Variants in LGSN observed in about 807,000 individuals in gnomAD.
LGSN encodes lengsin, lens protein with glutamine synthetase domain, also known as lengsin.
LGSN carries 21 observed loss-of-function variants against 19.5 expected under a neutral mutation model. That is an observed-to-expected ratio of 1.07 (90% CI 0.76 to 1.55). The LOEUF (loss-of-function observed/expected upper bound fraction) is 1.55, where lower values mean the gene tolerates loss of function less well. Ranked by LOEUF, LGSN falls within the 40% of genes most tolerant of loss-of-function variation. The pLI, the probability that LGSN is intolerant of heterozygous loss-of-function variation, is 0.00. For missense variants in LGSN, 673 were observed against 608.5 expected (o/e 1.11, Z -1.12); for synonymous variants, 257 against 215.6 (o/e 1.19, Z -1.68).
chr6:63,378,878 A>C, the LGSN span, among the ~76,000 whole-genome samples: 4 of 152,206 alleles, frequency 2.6e-5, no homozygotes, highest in African/African-American at 9.6e-5. Context: ...AAACTATAGC[A>C]ATTACTTTGT....
At chr6:63,351,416 T>TGAGAGAGAGAGAGAGAGGAAGA in the LGSN span, among the ~76,000 whole-genome samples, 1 of 148,238 alleles carries the variant, frequency 6.7e-6, no homozygotes, top group Non-Finnish European at 1.5e-5. Flanking sequence ...TCTGTGTGTG[T>TGAGAGAGAGAGAGAGAGGAAGA]GAGAGAGAGA....
At chr6:63,343,866 G>A in the LGSN span, among the ~76,000 whole-genome samples, 3 of 152,156 alleles carry the variant, frequency 2.0e-5, no homozygotes, top group African/African-American at 7.2e-5. Flanking sequence ...GAGGTAGGAA[G>A]CCACTAGGAT....
At chr6:63,298,396 T>A (rs928125755) in intron 1 of LGSN, among the ~76,000 whole-genome samples, 1 of 152,330 alleles carries the variant, frequency 6.6e-6, no homozygotes, top group South Asian at 2.1e-4. Context: ...TATATCCAGT[T>A]AGAATTCTTA....
the LGSN span, among the ~76,000 whole-genome samples, chr6:63,530,397 C>A: frequency 6.6e-6 from 1 of 152,058 alleles, no homozygotes; most frequent in Non-Finnish European, 1.5e-5. Flanking sequence ...AGTGGTTTGC[C>A]CTGCCTTTTA....
At chr6:63,286,936 G>A (rs1392741902) in intron 2 of LGSN, among the ~76,000 whole-genome samples, 1 of 152,194 alleles carries the variant, frequency 6.6e-6, no homozygotes, top group Non-Finnish European at 1.5e-5. Flanking sequence ...AATGCATAAA[G>A]TGAGTACAAT....
At chr6:63,412,532 A>AGG in the LGSN span, among the ~76,000 whole-genome samples, 1 of 105,098 alleles carries the variant, frequency 9.5e-6, no homozygotes, top group African/African-American at 4.6e-5. Context: ...GAAAGAAGGA[A>AGG]AGAAAGAAAG....
chr6:63,549,079 T>C, the LGSN span: 2 of 713,866 alleles, frequency 2.8e-6, no homozygotes, highest in African/African-American at 1.7e-5. Flanking sequence ...AGCAAGGTGG[T>C]GATGGTGTTA....
At chr6:63,412,771 G>GAAAAA in the LGSN span, among the ~76,000 whole-genome samples, 1 of 34,268 alleles carries the variant, frequency 2.9e-5, no homozygotes, top group Non-Finnish European at 5.2e-5. Context: ...AAGAAAGAAA[G>GAAAAA]GAAGGAAGGG....
the LGSN span, among the ~76,000 whole-genome samples, chr6:63,427,812 T>G: frequency 3.3e-5 from 5 of 152,284 alleles, no homozygotes; most frequent in Middle Eastern, 0.014. Flanking sequence ...ATACTCTGGC[T>G]CCCTCAAAAC....
rs529208151 is a variant in LGSN, at chr6:63,285,211, C to G, written c.330+376G>C. ...ATATTTTCTATTTAATCATTTTTTC[C>G]TTTTTATGTTTGCTTTTGGGTCTTC... is the stretch of plus-strand genomic sequence containing the variant. On this transcript the variant is annotated intron_variant, in intron 3 of 3. Transcript: ENST00000370657. 3.3e-5 allele frequency among the ~76,000 whole-genome samples: 5 copies of G among 152,024 alleles called. No homozygotes were observed. In the East Asian group the frequency reaches 9.6e-4, roughly 29 times the overall value.
the LGSN span, among the ~76,000 whole-genome samples, chr6:63,552,584 G>T: frequency 6.6e-6 from 1 of 152,130 alleles, no homozygotes; most frequent in Non-Finnish European, 1.5e-5. Flanking sequence ...ATTGCTTTTG[G>T]TGTTTTAGAC....
chr6:63,412,117 A>G, the LGSN span, among the ~76,000 whole-genome samples: 3 of 152,124 alleles, frequency 2.0e-5, no homozygotes, highest in African/African-American at 4.8e-5. Flanking sequence ...CTGTAATCCC[A>G]GCACTTTGGG....
chr6:63,493,694 C>T, the LGSN span, among the ~76,000 whole-genome samples: 5,914 of 151,730 alleles, frequency 0.039, 398 homozygotes, highest in African/African-American at 0.14. Flanking sequence ...CTTCCTGGCC[C>T]GTTTATGTAA....
the LGSN span, among the ~76,000 whole-genome samples, chr6:63,421,955 A>G: frequency 6.6e-6 from 1 of 152,242 alleles, no homozygotes; most frequent in Non-Finnish European, 1.5e-5. Context: ...AGATATGAAC[A>G]TACAAATTCA....
the LGSN span, among the ~76,000 whole-genome samples, chr6:63,366,763 T>C: frequency 4.6e-5 from 7 of 152,046 alleles, no homozygotes; most frequent in South Asian, 4.1e-4. Context: ...TGGAACAGAA[T>C]AGAGCCCTTG....
chr6:63,329,098 C>T, the LGSN span, among the ~76,000 whole-genome samples: 2 of 152,308 alleles, frequency 1.3e-5, no homozygotes, highest in Non-Finnish European at 1.5e-5. Context: ...CTAGAATAGC[C>T]TGCTGGCACG....
intron 1 of LGSN, among the ~76,000 whole-genome samples, chr6:63,297,069 C>T (rs1234529863): frequency 3.3e-5 from 5 of 151,970 alleles, no homozygotes; most frequent in South Asian, 2.1e-4. Context: ...TGACCAGGCG[C>T]GGTGGCTCAC....
the LGSN span, among the ~76,000 whole-genome samples, chr6:63,467,013 T>C: frequency 6.6e-6 from 1 of 152,100 alleles, no homozygotes. Flanking sequence ...TGAGACTGGC[T>C]GAGTCTCACT....
chr6:63,291,831 T>C (rs1767784678), intron 2 of LGSN, among the ~76,000 whole-genome samples: 1 of 152,144 alleles, frequency 6.6e-6, no homozygotes, highest in African/African-American at 2.4e-5. Context: ...ATATGTTAAA[T>C]TGCATGGCAA....
Sources: gnomAD v4.1 joint callset for allele counts (sites outside exome capture counted in the v4.1 genomes callset) on GRCh38, gnomAD v4.1.1 for gene constraint, MANE v1.5 for transcripts, NCBI Gene and HGNC (gene_info 2026-07-23, HGNC 2026-07-21) for gene names.